Variants in LRFN5 observed in about 807,000 individuals in gnomAD.
LRFN5 encodes the protein leucine-rich repeat and fibronectin type-III domain-containing protein 5.
Under a neutral mutation model 45.6 loss-of-function variants are expected in LRFN5, and 24 were observed. The ratio of observed to expected loss-of-function variants is 0.53; its 90% confidence interval spans 0.38 to 0.74. The LOEUF is 0.74. Among genes scored for constraint, LRFN5 ranks in the 30% least tolerant of loss-of-function variants. The pLI is 0.00. For missense variants in LRFN5, 776 were observed against 861.5 expected, an observed-to-expected ratio of 0.90 and a Z score of 1.24; for synonymous variants, 340 against 313.8, an observed-to-expected ratio of 1.08 and a Z score of -0.88.
At chr14:41,803,031 A>G (rs998309744) in intron 2 of LRFN5, among the ~76,000 whole-genome samples, 7 of 152,168 alleles carry the variant, frequency 4.6e-5, no homozygotes, top group Non-Finnish European at 8.8e-5. Flanking sequence ...TAGTGTTGGT[A>G]TCAAGTCAAA....
intron 1 of LRFN5, among the ~76,000 whole-genome samples, chr14:41,704,438 C>CTGTTTGTGTGTGTGTG (rs199862342): frequency 1.5e-4 from 17 of 111,628 alleles, no homozygotes; most frequent in African/African-American, 6.9e-4. Flanking sequence ...CTCTCTCTCT[C>CTGTTTGTGTGTGTGTG]TCTCTCTCTC....
Position 41,800,765 on chromosome 14 carries a change from G to T in LRFN5, c.-21+33736G>T, listed in dbSNP as rs145568194. 9.0e-3 allele frequency among the ~76,000 whole-genome samples: 1,286 copies of T among 143,180 alleles called. 14 individuals carry two copies. The highest frequency in any genetic ancestry group is 0.032 in the African/African-American group (1,214 of 37,538). 93.9% of individuals were successfully genotyped at this position (143,180 alleles called of 152,430 possible). ...ATTCTGTGTCTCCTAACTCATAAAA[G>T]ATTACCCTGGAGAAAAAAAAAACAC... On this transcript the variant is annotated intron_variant, in intron 2 of 5. Coordinates refer to ENST00000298119, the MANE Select transcript of LRFN5 (RefSeq NM_152447.5).
chr14:41,710,784 G>A (rs922541966), intron 1 of LRFN5, among the ~76,000 whole-genome samples: 8 of 149,506 alleles, frequency 5.4e-5, no homozygotes, highest in Non-Finnish European at 1.0e-4. Context: ...CCGACCCCAC[G>A]ACAGGCCCCG....
At chr14:41,784,316 A>G (rs1401472089) in intron 2 of LRFN5, among the ~76,000 whole-genome samples, 1 of 152,130 alleles carries the variant, frequency 6.6e-6, no homozygotes, top group Non-Finnish European at 1.5e-5. Context: ...GCTGATCTCT[A>G]ATAGTGCCAA....
At chr14:41,854,664 T>G (rs752505061) in intron 2 of LRFN5, among the ~76,000 whole-genome samples, 3 of 152,078 alleles carry the variant, frequency 2.0e-5, no homozygotes, top group Non-Finnish European at 4.4e-5. Flanking sequence ...AAGTAGTTAG[T>G]GTAATTGGAG....
Position 41,885,095 on chromosome 14 carries a change from G to A in LRFN5, c.-20-1511G>A, listed in dbSNP as rs544048355. Among the ~76,000 whole-genome samples, 95 of 150,672 alleles carry A rather than the reference G, an allele frequency of 6.3e-4. No individual in the cohort carries two copies. In the South Asian group the frequency reaches 0.02, roughly 31 times the overall value. ...AAGGTAGCTCATGCCTGTACTTGCA[G>A]CACTTTGGGAGACTGAGTCAAGAGG... On this transcript the variant is annotated intron_variant, in intron 2 of 5. Transcript: ENST00000298119.
In LRFN5 at chr14:41,884,266, A is replaced by G. The variant is rs533578574; in HGVS notation, c.-20-2340A>G. ...ACAGTTCTGTATTTATTCACTTCCA[A>G]TGTCCAAAACTTGTTGTTTTATATA... On this transcript the variant is annotated intron_variant, in intron 2 of 5. Coordinates refer to ENST00000298119, the MANE Select transcript of LRFN5 (RefSeq NM_152447.5). 5.3e-5 allele frequency among the ~76,000 whole-genome samples: 8 copies of G among 152,302 alleles called. No homozygotes were observed. The South Asian group carries it at 1.5e-3, about 28-fold the overall frequency.
At chr14:41,891,223 AT>A in intron 3 of LRFN5, 26 bp from the exon 4 acceptor site, 1 of 1,580,470 alleles carries the variant, frequency 6.3e-7, no homozygotes, top group Non-Finnish European at 8.6e-7. Flanking sequence ...TGTTATTAAT[AT>A]TAACACAAAT....
At chr14:41,698,486 A>G (rs1027474774) in intron 1 of LRFN5, among the ~76,000 whole-genome samples, 9 of 152,018 alleles carry the variant, frequency 5.9e-5, no homozygotes, top group South Asian at 4.1e-4. Flanking sequence ...CTTTAGAAAT[A>G]CCATTGCCTG....
chr14:41,686,998 C>T (rs1478650798), intron 1 of LRFN5, among the ~76,000 whole-genome samples: 7 of 152,148 alleles, frequency 4.6e-5, no homozygotes, highest in African/African-American at 7.2e-5. Flanking sequence ...AGGAGCCCCT[C>T]CTTTCCAATT....
chr14:41,819,955 A>G (rs919325948), intron 2 of LRFN5, among the ~76,000 whole-genome samples: 1 of 69,706 alleles, frequency 1.4e-5, no homozygotes, highest in Non-Finnish European at 2.6e-5. Context: ...TGATAGGGTT[A>G]TTTGTTTTTT....
intron 1 of LRFN5, among the ~76,000 whole-genome samples, chr14:41,615,461 T>C (rs1379192179): frequency 6.6e-6 from 1 of 152,132 alleles, no homozygotes; most frequent in African/African-American, 2.4e-5. Context: ...TTGGGACAGT[T>C]TTCTGTATAT....
chr14:41,656,955 G>A (rs963448032), intron 1 of LRFN5, among the ~76,000 whole-genome samples: 1 of 151,680 alleles, frequency 6.6e-6, no homozygotes, highest in African/African-American at 2.4e-5. Context: ...AGTTCTCCAC[G>A]TGGATTCGTT....
intron 2 of LRFN5, among the ~76,000 whole-genome samples, chr14:41,833,618 G>A (rs1888559879): frequency 6.6e-6 from 1 of 152,168 alleles, no homozygotes; most frequent in Non-Finnish European, 1.5e-5. Flanking sequence ...TAATGCTACA[G>A]CTGCTGTTAT....
Position 41,835,933 on chromosome 14 carries a change from T to A in LRFN5, c.-20-50673T>A, listed in dbSNP as rs372684035. Among the ~76,000 whole-genome samples, 1,194 of 146,452 alleles carry A rather than the reference T, an allele frequency of 8.2e-3. 16 individuals carry two copies. The highest frequency in any genetic ancestry group is 0.027 in the African/African-American group (1,087 of 39,990). On this transcript the variant is annotated intron_variant, in intron 2 of 5. Coordinates refer to ENST00000298119, the MANE Select transcript of LRFN5 (RefSeq NM_152447.5). ...TTTTTCTTTTCTTTTTCTTTTTTTT[T>A]AAAAAAAAAAAACCTTTGAAAATGT...
chr14:41,673,797 G>A (rs1230272292), intron 1 of LRFN5, among the ~76,000 whole-genome samples: 2 of 147,932 alleles, frequency 1.4e-5, no homozygotes, highest in South Asian at 2.2e-4. Flanking sequence ...CCGGGCGGGG[G>A]GTGACCCCCC....
chr14:41,823,075 T>G (rs1176680861), intron 2 of LRFN5, among the ~76,000 whole-genome samples: 1 of 151,726 alleles, frequency 6.6e-6, no homozygotes, highest in Non-Finnish European at 1.5e-5. Context: ...GGTTGAATCT[T>G]TTTTAAAAAA....
intron 1 of LRFN5, among the ~76,000 whole-genome samples, chr14:41,694,286 CTTCT>C (rs1452170126): frequency 6.6e-6 from 1 of 151,832 alleles, no homozygotes; most frequent in African/African-American, 2.4e-5. Context: ...AAACTTATTC[CTTCT>C]ATCTAGCTGA....
intron 1 of LRFN5, among the ~76,000 whole-genome samples, chr14:41,758,289 G>A (rs1378358182): frequency 6.6e-6 from 1 of 152,152 alleles, no homozygotes; most frequent in Non-Finnish European, 1.5e-5. Flanking sequence ...TCTTCTGGAT[G>A]TATCTTTTCT....
Sources: gnomAD v4.1 joint callset for allele counts (sites outside exome capture counted in the v4.1 genomes callset) on GRCh38, gnomAD v4.1.1 for gene constraint, MANE v1.5 for transcripts, NCBI Gene and HGNC (gene_info 2026-07-23, HGNC 2026-07-21) for gene names.